Variants in ZNF335 observed in about 807,000 individuals in gnomAD.
The protein encoded by ZNF335 is zinc finger protein 335.
Under a neutral mutation model 145.6 loss-of-function variants are expected in ZNF335, and 84 were observed. That is an observed-to-expected ratio of 0.58 (90% confidence interval 0.48 to 0.69). ZNF335 has a LOEUF of 0.69. ZNF335 is among the 30% of genes least tolerant of loss of function. The pLI, the probability that ZNF335 is intolerant of heterozygous loss-of-function variation, is 0.00. For missense variants in ZNF335, 1,865 were observed against 1,809.7 expected (o/e 1.03, Z -0.55); for synonymous variants, 761 against 717.0 (o/e 1.06, Z -0.98).
rs188769818 is a variant in ZNF335, at chr20:45,950,928, T to C, written c.3190-333A>G. On this transcript the variant is annotated intron_variant, in intron 20 of 27. Transcript: ENST00000322927. ...TTTTTTTGAGACAGTTTTGCTCTTG[T>C]TGCCCAGAGGCTGGAGTGCAATGGC... 2.0e-5 allele frequency among the ~76,000 whole-genome samples: 3 copies of C among 152,220 alleles called. No individual in the cohort carries two copies. In the East Asian group the frequency reaches 5.8e-4, roughly 29 times the overall value.
rs1473454640 is a variant in ZNF335, at chr20:45,960,310, G to A, written c.1918C>T (p.Gln640Ter). Reference protein sequence around the residue: ...CEDKKALLNHQLSHVSDKPFK... With the variant: ...CEDKKALLNH ...GGCTTGTCACTGACGTGGGACAACT[G>A]GTGGTTCAGCAGTGCCTTCTTGTCT... is the stretch of plus-strand genomic sequence containing the variant. The change falls in exon 14 of 28, where the codon CAG becomes TAG. Residue 640 changes from glutamine to a stop codon, truncating the protein, a stop_gained. Transcript: ENST00000322927. LOFTEE classifies it high-confidence loss of function. 1 of 1,614,184 alleles carries A rather than the reference G, an allele frequency of 6.2e-7. No individual in the cohort carries two copies. Among genetic ancestry groups the A allele is most frequent in the Non-Finnish European group, 8.5e-7 (1 of 1,180,018 alleles).
At chr20:45,950,129 G>A in intron 22 of ZNF335, 60 bp from the exon 23 acceptor site, 4 of 1,607,234 alleles carry the variant, frequency 2.5e-6, no homozygotes, top group Non-Finnish European at 3.4e-6. Flanking sequence ...TGCCCCAGCT[G>A]CTACTGTACC....
chr20:45,965,497 C>T (rs1359166581), intron 7 of ZNF335, 131 bp downstream of exon 7: 13 of 1,083,056 alleles, frequency 1.2e-5, no homozygotes, highest in Non-Finnish European at 1.7e-5. Flanking sequence ...TCCCTGGAGG[C>T]CTGCAGGTGA....
Position 45,949,237 on chromosome 20 carries a change from A to G in ZNF335, c.3834T>C (p.Pro1278=). The part of the protein sequence containing the change: ...FLQESQIQYV[P]VSPGQQLVTQ... Reference sequence around the variant, plus strand: ...TGACAAGCTGCTGGCCTGGGGACACAGGCACATACTGGATCTGGAGGGGAG... The same window carrying G: ...TGACAAGCTGCTGGCCTGGGGACACGGGCACATACTGGATCTGGAGGGGAG... Residue 1278 remains proline, a synonymous_variant, in exon 27 of 28, where the codon CCT becomes CCC. Transcript: ENST00000322927. 2 of 1,613,860 alleles carry G rather than the reference A, an allele frequency of 1.2e-6. No homozygotes were observed. The highest frequency in any genetic ancestry group is 1.7e-6 in the Non-Finnish European group (2 of 1,179,982).
rs574693345 is a variant in ZNF335, at chr20:45,971,933, C to T, written c.-51+189G>A. The T allele has an allele frequency of 1.6e-5, 16 of 985,438 alleles. No individual in the cohort carries two copies. The African/African-American group carries it at 2.6e-4, about 16-fold the overall frequency. The allele number at this position is 985,438 out of a possible 1,614,324, so 61.0% of individuals were successfully genotyped here. A position where few individuals can be genotyped will look rare whatever the true frequency, so the allele number is the denominator to read the frequency against. On this transcript the variant is annotated intron_variant, in intron 1 of 27. Coordinates refer to ENST00000322927, the MANE Select transcript of ZNF335 (RefSeq NM_022095.4). ...CCCCGGCGCTGCCTGTGCTCCAGGC[C>T]CGACGCCATCTTGTGGTGGCGCCGG...
chr20:45,968,825 GGGA>G (rs1484444049), intron 3 of ZNF335: 2 of 158,800 alleles, frequency 1.3e-5, no homozygotes, highest in African/African-American at 4.8e-5. Flanking sequence ...CCAATACTTT[GGGA>G]GGATGAGGCA....
chr20:45,969,866 C>G lies in ZNF335; in HGVS notation c.202-175G>C, dbSNP rs994290593. 6.5e-6 allele frequency: 5 copies of G among 771,594 alleles called. No individual in the cohort carries two copies. The East Asian group carries it at 1.4e-4, about 22-fold the overall frequency. 47.8% of individuals were successfully genotyped at this position (771,594 alleles called of 1,614,324 possible). A position where few individuals can be genotyped will look rare whatever the true frequency, so the allele number is the denominator to read the frequency against. On this transcript the variant is annotated intron_variant, in intron 2 of 27. Coordinates refer to ENST00000322927, the MANE Select transcript of ZNF335 (RefSeq NM_022095.4). Reference sequence around the variant, plus strand: ...GAGAGAGGCCCTCCAGTCACAGAGTCCCCCAGGAAAAAGTCACAGGGTCCC... The same window carrying G: ...GAGAGAGGCCCTCCAGTCACAGAGTGCCCCAGGAAAAAGTCACAGGGTCCC...
At position 45,952,529 on chromosome 20, in the gene ZNF335, GAGAC is replaced by G. The variant is rs2083653009; in HGVS notation, c.2815-12_2815-9del. Reference sequence around the variant, plus strand: ...GGAGCCATCTGCGGTGAGCTGTAGAGAGACAGGGAGCATGAGGTACTGAGAAGGG... The same window carrying G: ...GGAGCCATCTGCGGTGAGCTGTAGAGAGGGAGCATGAGGTACTGAGAAGGG... On this transcript the variant is annotated splice_polypyrimidine_tract_variant and intron_variant, in intron 19 of 27. Coordinates refer to ENST00000322927, the MANE Select transcript of ZNF335 (RefSeq NM_022095.4). 2.5e-6 allele frequency: 4 copies of G among 1,598,010 alleles called. No homozygotes were observed. The East Asian group carries it at 9.0e-5, about 36-fold the overall frequency.
At chr20:45,963,122 C>A (rs540706592) in intron 9 of ZNF335, among the ~76,000 whole-genome samples, 1 of 152,206 alleles carries the variant, frequency 6.6e-6, no homozygotes, top group East Asian at 1.9e-4. Flanking sequence ...CTAAAAGGAA[C>A]CCTTTTCTTG....
At position 45,963,456 on chromosome 20, in the gene ZNF335, C is replaced by T; in HGVS notation, c.1533+17G>A. 1 of 1,603,912 alleles carries T rather than the reference C, an allele frequency of 6.2e-7. No homozygotes were observed. The highest frequency in any genetic ancestry group is 8.5e-7 in the Non-Finnish European group (1 of 1,172,200). On this transcript the variant is annotated intron_variant, in intron 9 of 27. Transcript: ENST00000322927. ...CTTCACCCTCCCATGAGCCCCAAGC[C>T]TCTTTGGCTCCCGCACCTTGAGCGA...
At position 45,962,056 on chromosome 20, in the gene ZNF335, AC is replaced by A. The variant is rs2083852350; in HGVS notation, c.1646+13del. The A allele has an allele frequency of 1.2e-6, 1 of 852,916 alleles. No homozygotes were observed. The highest frequency in any genetic ancestry group is 2.6e-4 in the Middle Eastern group (1 of 3,900). 52.8% of individuals were successfully genotyped at this position (852,916 alleles called of 1,614,324 possible). ...GGCCTCTCTTGCCCAGGTCCCTCCC[AC>A]CCCCACACTGACCGGTCCCGGCTGT... is the stretch of plus-strand genomic sequence containing the variant. On this transcript the variant is annotated intron_variant, in intron 10 of 27. Transcript: ENST00000322927.
chr20:45,962,674 G>A (rs2083866336), intron 9 of ZNF335, among the ~76,000 whole-genome samples: 1 of 152,170 alleles, frequency 6.6e-6, no homozygotes, highest in African/African-American at 2.4e-5. Flanking sequence ...GGGGTCAGTA[G>A]AATGGGACTA....
chr20:45,970,874 G>A (rs903887877), intron 2 of ZNF335, among the ~76,000 whole-genome samples: 5 of 151,058 alleles, frequency 3.3e-5, no homozygotes, highest in African/African-American at 1.2e-4. Flanking sequence ...TACAGGCGAT[G>A]AGCTACCACT....
In ZNF335 at chr20:45,969,197, A is replaced by C. The variant is rs114057357; in HGVS notation, c.442+254T>G. ...AGCTACTGTATGTAAAGTTTAGAAC[A>C]GTCCTGGGCACAAGGTAAGCAATAA... On this transcript the variant is annotated intron_variant, in intron 3 of 27. Coordinates refer to ENST00000322927, the MANE Select transcript of ZNF335 (RefSeq NM_022095.4). 2.7e-3 allele frequency among the ~76,000 whole-genome samples: 408 copies of C among 152,384 alleles called. 6 individuals carry two copies. Among genetic ancestry groups the C allele is most frequent in the African/African-American group, 9.6e-3 (398 of 41,596 alleles).
At chr20:45,969,724 T>G (rs751834724) in intron 2 of ZNF335, 33 bp from the exon 3 acceptor site, 1 of 1,604,610 alleles carries the variant, frequency 6.2e-7, no homozygotes, top group Admixed American at 1.7e-5. Flanking sequence ...GGAAAAAGTT[T>G]AGCAGCTGGG....
chr20:45,960,100 G>A (rs2083807869), intron 14 of ZNF335, 108 bp downstream of exon 14: 2 of 1,314,346 alleles, frequency 1.5e-6, no homozygotes, highest in African/African-American at 2.9e-5. Context: ...GGGCTGTTCT[G>A]TGGCTGGGGC....
chr20:45,970,689 A>G (rs1254674408), intron 2 of ZNF335, among the ~76,000 whole-genome samples: 2 of 151,754 alleles, frequency 1.3e-5, no homozygotes, highest in African/African-American at 4.8e-5. Flanking sequence ...TAGCCGGGAT[A>G]CTGAGGCTCA....
At chr20:45,952,042 A>C in intron 20 of ZNF335, 105 bp downstream of exon 20, 2 of 1,446,720 alleles carry the variant, frequency 1.4e-6, no homozygotes, top group Non-Finnish European at 1.8e-6. Flanking sequence ...ATCCACTCAG[A>C]GGAGAGCAGA....
In ZNF335 at chr20:45,967,729, C is replaced by G; in HGVS notation, c.814+5G>C. On this transcript the variant is annotated splice_donor_5th_base_variant and intron_variant, in intron 5 of 27. Coordinates refer to ENST00000322927, the MANE Select transcript of ZNF335 (RefSeq NM_022095.4). ...GTCCAAGCAGGTAGGCTGCTACTGACGCACCTGGACGGAAGTGGCGTTCCC... is the reference window on the plus strand; with the variant it reads ...GTCCAAGCAGGTAGGCTGCTACTGAGGCACCTGGACGGAAGTGGCGTTCCC... The G allele has an allele frequency of 6.2e-7, 1 of 1,608,392 alleles. No homozygotes were observed. The highest frequency in any genetic ancestry group is 1.1e-5 in the South Asian group (1 of 90,482).
Sources: allele counts gnomAD v4.1 joint callset (sites outside exome capture counted in the v4.1 genomes callset), GRCh38; gene constraint gnomAD v4.1.1; transcripts MANE v1.5; gene names NCBI Gene and HGNC (gene_info 2026-07-23, HGNC 2026-07-21).